IMPG2: variants seen among roughly 807,000 people sequenced by gnomAD.
The protein encoded by IMPG2 is interphotoreceptor matrix proteoglycan 2, also known as IPM 200.
IMPG2 carries 91 observed loss-of-function variants against 129.2 expected under a neutral mutation model. That is an observed-to-expected ratio of 0.70 (90% CI 0.59 to 0.84). The LOEUF (loss-of-function observed/expected upper bound fraction) is 0.84. IMPG2 is among the 40% of genes least tolerant of loss of function. IMPG2 has a pLI of 0.00. For missense variants in IMPG2, 1,430 were observed against 1,461.7 expected (o/e 0.98, Z 0.35); for synonymous variants, 510 against 517.7 (o/e 0.99, Z 0.20).
intron 2 of IMPG2, among the ~76,000 whole-genome samples, chr3:101,310,356 G>C (rs993546974): frequency 1.3e-5 from 2 of 152,120 alleles, no homozygotes; most frequent in African/African-American, 4.8e-5. Context: ...GAGCCCAGGA[G>C]TTCAAGATTA....
At chr3:101,310,333 A>T (rs1447177693) in intron 2 of IMPG2, among the ~76,000 whole-genome samples, 1 of 152,156 alleles carries the variant, frequency 6.6e-6, no homozygotes, top group Non-Finnish European at 1.5e-5. Context: ...AGGCCAAAGT[A>T]GGCAGATCAC....
chr3:101,271,980 T>C (rs377489636), intron 7 of IMPG2, among the ~76,000 whole-genome samples: 184 of 152,270 alleles, frequency 1.2e-3, no homozygotes, highest in African/African-American at 4.3e-3. Context: ...ACACCGACAC[T>C]GGAACTGCCC....
chr3:101,273,630 T>C lies in IMPG2; in HGVS notation c.779A>G (p.Asp260Gly). The C allele has an allele frequency of 6.2e-7, 1 of 1,614,144 alleles. No individual in the cohort carries two copies. Among genetic ancestry groups the C allele is most frequent in the Non-Finnish European group, 8.5e-7 (1 of 1,179,994 alleles). ...LGKQYREELQ[D>G]SSSFHHQHLE... is the part of the protein sequence containing the mutation. Reference sequence around the variant, plus strand: ...GTGCTGGTGGTGAAAGCTGGAGGAATCCTGTAGTTCTTCCCTGTACTGCTT... The same window carrying C: ...GTGCTGGTGGTGAAAGCTGGAGGAACCCTGTAGTTCTTCCCTGTACTGCTT... Residue 260 changes from aspartate (D) to glycine (G), a missense_variant, in exon 7 of 19, where the codon GAT (aspartate) becomes GGT (glycine). By Grantham distance (94) the Asp-to-Gly change is moderately conservative. Transcript: ENST00000193391.
chr3:101,259,356 G>A (rs1307968506), intron 9 of IMPG2, among the ~76,000 whole-genome samples: 4 of 151,904 alleles, frequency 2.6e-5, no homozygotes, highest in Non-Finnish European at 5.9e-5. Context: ...TCAAAACAAA[G>A]CATAAAAATA....
rs538192143 is a variant in IMPG2, at chr3:101,243,407, A to T, written c.2802+122T>A. On this transcript the variant is annotated intron_variant, in intron 13 of 18. Coordinates refer to ENST00000193391, the MANE Select transcript of IMPG2 (RefSeq NM_016247.4). The stretch of plus-strand genomic sequence containing the variant: ...GGCCATGATACTATTTGTGAATGAT[A>T]GGAAGTGAATGTTCACAGCAGATCA... 1.1e-4 allele frequency: 89 copies of T among 844,788 alleles called. No individual in the cohort carries two copies. In the African/African-American group the frequency reaches 1.3e-3, roughly 13 times the overall value. 52.3% of individuals were successfully genotyped at this position (844,788 alleles called of 1,614,324 possible).
At chr3:101,278,702 A>T (rs916622104) in intron 4 of IMPG2, among the ~76,000 whole-genome samples, 1 of 143,544 alleles carries the variant, frequency 7.0e-6, no homozygotes, top group Non-Finnish European at 1.5e-5. Flanking sequence ...AACATAAGTT[A>T]AAAAAAAAAA....
intron 4 of IMPG2, among the ~76,000 whole-genome samples, chr3:101,286,368 AT>A (rs1269735042): frequency 6.6e-6 from 1 of 152,094 alleles, no homozygotes; most frequent in African/African-American, 2.4e-5. Flanking sequence ...ATATGTTAGT[AT>A]TTTTAGTTAT....
intron 2 of IMPG2, among the ~76,000 whole-genome samples, chr3:101,305,858 T>G (rs926097087): frequency 2.0e-5 from 3 of 152,204 alleles, no homozygotes; most frequent in African/African-American, 7.2e-5. Context: ...GTACTGCTGT[T>G]CTGTAACCAT....
chr3:101,303,562 A>G (rs1707159856), intron 3 of IMPG2, among the ~76,000 whole-genome samples: 1 of 152,236 alleles, frequency 6.6e-6, no homozygotes, highest in Non-Finnish European at 1.5e-5. Context: ...CTTTCTTGTC[A>G]TGAATACATA....
chr3:101,304,332 T>G lies in IMPG2; in HGVS notation c.335-20A>C, dbSNP rs770285645. 312 of 1,612,406 alleles carry G rather than the reference T, an allele frequency of 1.9e-4. No individual in the cohort carries two copies. The highest frequency in any genetic ancestry group is 2.4e-4 in the Non-Finnish European group (287 of 1,178,704). On this transcript the variant is annotated intron_variant, in intron 2 of 18. Transcript: ENST00000193391. ...GACACACTAGAAAATAGAGAGGTGTTTTTTTACAAAAAGCTAACATGCTCT... is the reference window on the plus strand; with the variant it reads ...GACACACTAGAAAATAGAGAGGTGTGTTTTTACAAAAAGCTAACATGCTCT...
intron 3 of IMPG2, among the ~76,000 whole-genome samples, chr3:101,294,871 G>T (rs1162295014): frequency 6.6e-6 from 1 of 152,048 alleles, no homozygotes; most frequent in Non-Finnish European, 1.5e-5. Context: ...TCATATGTTT[G>T]TTGGCTGCAT....
chr3:101,274,226 A>G (rs558630905), intron 6 of IMPG2, among the ~76,000 whole-genome samples: 1 of 152,086 alleles, frequency 6.6e-6, no homozygotes, highest in Non-Finnish European at 1.5e-5. Context: ...TTAATAAAAT[A>G]GTAAACATCT....
chr3:101,289,651 C>T (rs547346355), intron 4 of IMPG2, among the ~76,000 whole-genome samples: 2 of 151,664 alleles, frequency 1.3e-5, no homozygotes, highest in Non-Finnish European at 2.9e-5. Context: ...AAGAGCCTTG[C>T]GGGTCATGTT....
chr3:101,228,959 A>T, intron 17 of IMPG2, 83 bp from the exon 18 acceptor site: 1 of 993,830 alleles, frequency 1.0e-6, no homozygotes, highest in South Asian at 1.3e-5. Flanking sequence ...AATTTTCATA[A>T]GGAATTGTTA....
At position 101,243,996 on chromosome 3, in the gene IMPG2, C is replaced by T; in HGVS notation, c.2335G>A (p.Glu779Lys). Residue 779 changes from glutamate (E) to lysine (K), a missense_variant, in exon 13 of 19, where the codon GAA (glutamate) becomes AAA (lysine). Transcript: ENST00000193391. ...DMQTLWTILP[E>K]SERVWTRTSS... is the part of the protein sequence containing the mutation. ...GTTCTTGTCCAAACTCTCTCTGATTCTGGCAATATAGTCCACAAAGTTTGC... is the reference window on the plus strand; with the variant it reads ...GTTCTTGTCCAAACTCTCTCTGATTTTGGCAATATAGTCCACAAAGTTTGC... 6.2e-7 allele frequency: 1 copy of T among 1,614,182 alleles called. No homozygotes were observed.
intron 10 of IMPG2, among the ~76,000 whole-genome samples, chr3:101,254,936 ACT>A (rs1045570564): frequency 2.1e-5 from 3 of 145,512 alleles, no homozygotes; most frequent in African/African-American, 7.6e-5. Flanking sequence ...TTTCTCTCTG[ACT>A]CTCTCTCTCT....
rs1308580180 is a variant in IMPG2 at position 101,246,113 on chromosome 3, G to A, written c.1240-8C>T. On this transcript the variant is annotated splice_polypyrimidine_tract_variant and splice_region_variant and intron_variant, in intron 11 of 18. Transcript: ENST00000193391. ...AGCTTGAAAGGTATTATCCTGGGGG[G>A]AAAAAAAGGCTAAATCATATCATAG... The A allele has an allele frequency of 1.2e-6, 2 of 1,603,788 alleles. No homozygotes were observed. The highest frequency in any genetic ancestry group is 1.7e-6 in the Non-Finnish European group (2 of 1,176,752).
At chr3:101,316,498 A>T (rs182012047) in intron 2 of IMPG2, among the ~76,000 whole-genome samples, 272 of 151,942 alleles carry the variant, frequency 1.8e-3, no homozygotes, top group Non-Finnish European at 2.6e-3. Flanking sequence ...ATAATTATGT[A>T]AAAAAAATGC....
chr3:101,296,251 T>C (rs773252710), intron 3 of IMPG2, among the ~76,000 whole-genome samples: 1 of 152,182 alleles, frequency 6.6e-6, no homozygotes, highest in Non-Finnish European at 1.5e-5. Context: ...AATACCTAGT[T>C]TGTTGAGAGT....
Sources: allele counts gnomAD v4.1 joint callset (sites outside exome capture counted in the v4.1 genomes callset), GRCh38; gene constraint gnomAD v4.1.1; transcripts MANE v1.5; gene names NCBI Gene and HGNC (gene_info 2026-07-23, HGNC 2026-07-21).